PTPRR: variants seen among roughly 807,000 people sequenced by gnomAD.
PTPRR encodes receptor-type tyrosine-protein phosphatase R.
In PTPRR, 38 loss-of-function variants were observed where a neutral mutation model predicts 77.2. The observed-to-expected ratio is 0.49, with a 90% CI of 0.38 to 0.65. The LOEUF is 0.65. Among genes scored for constraint, PTPRR ranks in the 30% least tolerant of loss-of-function variants. The pLI, the probability that PTPRR is intolerant of heterozygous loss-of-function variation, is 0.00. For missense variants in PTPRR, 744 were observed against 799.2 expected (o/e 0.93, Z 0.83); for synonymous variants, 299 against 283.1 (o/e 1.06, Z -0.57).
At chr12:70,742,635 A>G (rs1189351766) in intron 6 of PTPRR, among the ~76,000 whole-genome samples, 2 of 152,210 alleles carry the variant, frequency 1.3e-5, no homozygotes, top group African/African-American at 2.4e-5. Context: ...TTTTATAAAG[A>G]GAAAAACACT....
At position 70,892,850 on chromosome 12, in the gene PTPRR, G is replaced by A. The variant is rs767220758; in HGVS notation, c.186C>T (p.Tyr62=). 5 of 1,613,534 alleles carry A rather than the reference G, an allele frequency of 3.1e-6. No individual in the cohort carries two copies. The highest frequency in any genetic ancestry group is 1.1e-5 in the South Asian group (1 of 91,072). ...CGGAAGAGGAATGGTAGCTATGTCT[G>A]TAGATTTTTTGTGGGGCTATATCCA... is the stretch of plus-strand genomic sequence containing the variant. ...KSLDIAPQKI[Y]RHSYHSSSEA... is the part of the protein sequence containing the mutation. The change falls in exon 2 of 14, where the codon TAC becomes TAT. Residue 62 remains tyrosine (Y), a synonymous_variant. Transcript: ENST00000283228.
intron 2 of PTPRR, among the ~76,000 whole-genome samples, chr12:70,866,635 C>T (rs941946804): frequency 3.3e-5 from 5 of 152,294 alleles, no homozygotes; most frequent in African/African-American, 1.2e-4. Flanking sequence ...CCTTCTGAAA[C>T]TATTCCAATC....
At chr12:70,641,633 C>A (rs1886006012) in intron 13 of PTPRR, among the ~76,000 whole-genome samples, 1 of 152,112 alleles carries the variant, frequency 6.6e-6, no homozygotes, top group South Asian at 2.1e-4. Context: ...TCTCTTACCT[C>A]CCACTTAATT....
At chr12:70,858,954 C>CT (rs35314579) in intron 2 of PTPRR, among the ~76,000 whole-genome samples, 62,017 of 137,964 alleles carry the variant, frequency 0.45, 14,269 homozygotes, top group East Asian at 0.6. Context: ...GCATTTCGCC[C>CT]TTTTTTTTTT....
chr12:70,663,419 T>A (rs1454694391), intron 10 of PTPRR, among the ~76,000 whole-genome samples: 2 of 152,208 alleles, frequency 1.3e-5, no homozygotes, highest in African/African-American at 2.4e-5. Flanking sequence ...TTATTGGCTA[T>A]CTGGAAAGTA....
intron 2 of PTPRR, among the ~76,000 whole-genome samples, chr12:70,772,248 A>G (rs1278676470): frequency 6.6e-6 from 1 of 152,184 alleles, no homozygotes; most frequent in Non-Finnish European, 1.5e-5. Context: ...AATGGCTGCA[A>G]CATCACCTGT....
At chr12:70,880,099 G>A (rs984162939) in intron 2 of PTPRR, among the ~76,000 whole-genome samples, 5 of 151,962 alleles carry the variant, frequency 3.3e-5, no homozygotes, top group Admixed American at 2.0e-4. Context: ...TGGTACTGAG[G>A]CCAAAAAGAT....
intron 2 of PTPRR, 59 bp from the exon 3 acceptor site, chr12:70,764,837 G>A: frequency 8.2e-7 from 1 of 1,216,524 alleles, no homozygotes; most frequent in Non-Finnish European, 1.2e-6. Context: ...TAGATGTATA[G>A]AATACATCCA....
intron 2 of PTPRR, among the ~76,000 whole-genome samples, chr12:70,860,747 A>C (rs1892738999): frequency 6.6e-6 from 1 of 152,100 alleles, no homozygotes; most frequent in Admixed American, 6.6e-5. Context: ...ATATTAAGGT[A>C]TTTGAGACAC....
chr12:70,661,238 G>T (rs1348399975), intron 11 of PTPRR, 141 bp from the exon 12 acceptor site: 8 of 1,033,860 alleles, frequency 7.7e-6, no homozygotes, highest in African/African-American at 4.8e-5. Context: ...GAAGATTTTT[G>T]AAGAGTGCCC....
chr12:70,659,485 T>C (rs1306070435), intron 12 of PTPRR, among the ~76,000 whole-genome samples: 1 of 152,112 alleles, frequency 6.6e-6, no homozygotes, highest in Non-Finnish European at 1.5e-5. Flanking sequence ...CATGGGATCC[T>C]GAGTGACTGG....
chr12:70,800,260 T>TTC (rs1040615567), intron 2 of PTPRR, among the ~76,000 whole-genome samples: 2 of 150,386 alleles, frequency 1.3e-5, no homozygotes, highest in African/African-American at 4.9e-5. Flanking sequence ...AGACATACTG[T>TTC]TCTCTCTCTT....
chr12:70,833,153 C>T (rs1267855504), intron 2 of PTPRR, among the ~76,000 whole-genome samples: 1 of 152,054 alleles, frequency 6.6e-6, no homozygotes, highest in Non-Finnish European at 1.5e-5. Flanking sequence ...GAACAAATAT[C>T]CTAACCATAT....
At chr12:70,772,401 T>C (rs926127024) in intron 2 of PTPRR, among the ~76,000 whole-genome samples, 1 of 152,192 alleles carries the variant, frequency 6.6e-6, no homozygotes, top group Non-Finnish European at 1.5e-5. Context: ...GTTTCAAGGA[T>C]TTATAGTCTC....
At chr12:70,730,970 T>G (rs1204298943) in intron 6 of PTPRR, among the ~76,000 whole-genome samples, 139 of 94,340 alleles carry the variant, frequency 1.5e-3, no homozygotes, top group Middle Eastern at 9.3e-3. Flanking sequence ...AGAGAGGAAG[T>G]GAGGAGGAAG....
intron 6 of PTPRR, among the ~76,000 whole-genome samples, chr12:70,726,911 A>G (rs1592709397): frequency 6.6e-6 from 1 of 152,210 alleles, no homozygotes; most frequent in East Asian, 1.9e-4. Flanking sequence ...CTTCCTACTT[A>G]TTCCCATTTT....
rs146905446 is a variant in PTPRR at position 70,745,888 on chromosome 12, T to C, written c.937A>G (p.Ile313Val). The C allele has an allele frequency of 9.5e-5, 153 of 1,614,030 alleles. 1 individual carries two copies. In the African/African-American group the frequency reaches 1.8e-3, roughly 19 times the overall value. The change falls in exon 6 of 14, where the codon ATC (isoleucine) becomes GTC (valine). Residue 313 changes from isoleucine (I) to valine (V), a missense_variant. Ile to Val is a conservative substitution (Grantham distance 29). Transcript: ENST00000283228. Reference protein sequence around the residue: ...VDPQGRGAPEIKATTATSVCP... With the variant: ...VDPQGRGAPEVKATTATSVCP... ...ACAGAGGTAGCGGTGGTAGCTTTGA[T>C]CTCAGGAGCACCTCGGCCTTGAGGG...
chr12:70,759,695 A>C (rs1422367073), intron 4 of PTPRR, among the ~76,000 whole-genome samples: 4 of 149,748 alleles, frequency 2.7e-5, no homozygotes, highest in Non-Finnish European at 5.9e-5. Context: ...AAAAAAAAAA[A>C]AAAAAAAAAA....
At chr12:70,668,857 A>G (rs910621925) in intron 10 of PTPRR, among the ~76,000 whole-genome samples, 5 of 152,230 alleles carry the variant, frequency 3.3e-5, no homozygotes, top group Non-Finnish European at 5.9e-5. Context: ...GGCTGTGCTC[A>G]GTTGCTTAGT....
Sources: gnomAD v4.1 joint callset for allele counts (sites outside exome capture counted in the v4.1 genomes callset) on GRCh38, gnomAD v4.1.1 for gene constraint, MANE v1.5 for transcripts, NCBI Gene and HGNC (gene_info 2026-07-23, HGNC 2026-07-21) for gene names.